AGBL1: variants seen among roughly 807,000 people sequenced by gnomAD.
AGBL1 encodes the protein cytosolic carboxypeptidase 4.
In AGBL1, 130 loss-of-function variants were observed where a neutral mutation model predicts 118.9. That is an observed-to-expected ratio of 1.09 (90% confidence interval 0.95 to 1.26). The LOEUF is 1.26. AGBL1 is among the 50% of genes most tolerant of loss of function. AGBL1 has a pLI of 0.00. For synonymous variants in AGBL1, 555 were observed against 478.9 expected (o/e 1.16, Z -2.08); for missense variants, 1,584 against 1,298.1 (o/e 1.22, Z -3.38).
At chr15:86,755,765 T>C (rs1192440222) in intron 22 of AGBL1, among the ~76,000 whole-genome samples, 2 of 152,106 alleles carry the variant, frequency 1.3e-5, no homozygotes, top group Admixed American at 1.3e-4. Flanking sequence ...AGCTATTCTT[T>C]CCTATTAGAC....
At chr15:86,860,722 G>A (rs1343747363) in intron 22 of AGBL1, among the ~76,000 whole-genome samples, 1 of 151,996 alleles carries the variant, frequency 6.6e-6, no homozygotes, top group African/African-American at 2.4e-5. Flanking sequence ...AAGTGTGTGT[G>A]TGTGTGTGTG....
intron 17 of AGBL1, among the ~76,000 whole-genome samples, chr15:86,311,765 G>C (rs561563852): frequency 1.3e-5 from 2 of 152,222 alleles, no homozygotes; most frequent in South Asian, 4.1e-4. Flanking sequence ...CAAGTTATTC[G>C]ATATACCACA....
At chr15:86,332,469 A>G (rs1219964382) in intron 17 of AGBL1, among the ~76,000 whole-genome samples, 1 of 151,986 alleles carries the variant, frequency 6.6e-6, no homozygotes, top group Non-Finnish European at 1.5e-5. Context: ...ACATGGTGAA[A>G]CCCTGTCTCT....
chr15:86,166,134 C>T (rs2077338312), intron 5 of AGBL1, among the ~76,000 whole-genome samples: 1 of 152,168 alleles, frequency 6.6e-6, no homozygotes, highest in East Asian at 1.9e-4. Context: ...AAGCCTTCTA[C>T]CCTAACTTCA....
chr15:86,303,412 G>C (rs1195628860), intron 17 of AGBL1, among the ~76,000 whole-genome samples: 2 of 152,120 alleles, frequency 1.3e-5, no homozygotes, highest in African/African-American at 4.8e-5. Context: ...GACTGGCTGA[G>C]AGTAGGTATG....
intron 21 of AGBL1, among the ~76,000 whole-genome samples, chr15:86,588,332 C>G (rs561196301): frequency 6.6e-6 from 1 of 152,144 alleles, no homozygotes; most frequent in South Asian, 2.1e-4. Flanking sequence ...AGTTGATCTC[C>G]TCCAGTTATC....
intron 1 of AGBL1, among the ~76,000 whole-genome samples, chr15:86,131,810 T>A (rs2076823144): frequency 6.6e-6 from 1 of 151,518 alleles, no homozygotes; most frequent in South Asian, 2.1e-4. Context: ...ATGAGCAAGG[T>A]GTGGTGGTGC....
At chr15:86,976,643 C>A (rs151213293) in intron 23 of AGBL1, among the ~76,000 whole-genome samples, 233 of 152,092 alleles carry the variant, frequency 1.5e-3, no homozygotes, top group Admixed American at 3.1e-3. Flanking sequence ...AGCTCTCTTA[C>A]ACTAGTGAGA....
intron 23 of AGBL1, among the ~76,000 whole-genome samples, chr15:86,959,371 C>G (rs900793338): frequency 1.3e-5 from 2 of 152,032 alleles, no homozygotes; most frequent in African/African-American, 4.8e-5. Flanking sequence ...AAATGCATGC[C>G]TTTCATTTCC....
rs756313941 is a variant in AGBL1 at position 86,196,879 on chromosome 15, G to GCGCGCACA, written c.489-28034_489-28033insGCGCACAC. 2.8e-3 allele frequency among the ~76,000 whole-genome samples: 330 copies of GCGCGCACA among 116,996 alleles called. 2 individuals are homozygous for GCGCGCACA. The highest frequency in any genetic ancestry group is 7.9e-3 in the South Asian group (25 of 3,178). 76.8% of individuals were successfully genotyped at this position (116,996 alleles called of 152,430 possible). A position where few individuals can be genotyped will look rare whatever the true frequency, so the allele number is the denominator to read the frequency against. ...CGAATGTGCACATGTGCGCGCGCGC[G>GCGCGCACA]CACACACACACACACACACACACAC... On this transcript the variant is annotated intron_variant, in intron 5 of 22. Transcript: ENST00000614907.
intron 17 of AGBL1, among the ~76,000 whole-genome samples, chr15:86,310,697 G>C (rs111584002): frequency 0.02 from 3,033 of 152,226 alleles, 97 homozygotes; most frequent in African/African-American, 0.067. Context: ...CTGAGGCATG[G>C]AGCCGTGGGG....
chr15:86,190,058 T>G (rs190555591), intron 5 of AGBL1, among the ~76,000 whole-genome samples: 19 of 152,308 alleles, frequency 1.2e-4, no homozygotes, highest in African/African-American at 4.3e-4. Flanking sequence ...AAGATTATAA[T>G]TTTCCTATGT....
intron 18 of AGBL1, among the ~76,000 whole-genome samples, chr15:86,496,856 A>T (rs1469377860): frequency 6.6e-6 from 1 of 152,056 alleles, no homozygotes; most frequent in Non-Finnish European, 1.5e-5. Context: ...TAGAGCATTA[A>T]TGCATTTTAA....
At chr15:86,586,051 C>T (rs964131991) in intron 21 of AGBL1, among the ~76,000 whole-genome samples, 6 of 152,172 alleles carry the variant, frequency 3.9e-5, no homozygotes, top group Non-Finnish European at 7.4e-5. Flanking sequence ...GCCTCTGCAC[C>T]GAATAGAACC....
At position 86,534,112 on chromosome 15, in the gene AGBL1, TAAAAAAA is replaced by T. The variant is rs61563504; in HGVS notation, c.2685+11189_2685+11195del. 1.1e-4 allele frequency among the ~76,000 whole-genome samples: 11 copies of T among 96,500 alleles called. No individual in the cohort carries two copies. In the South Asian group the frequency reaches 3.3e-3, roughly 29 times the overall value. 63.3% of individuals were successfully genotyped at this position (96,500 alleles called of 152,430 possible). A position where few individuals can be genotyped will look rare whatever the true frequency, so the allele number is the denominator to read the frequency against. Reference sequence around the variant, plus strand: ...ATGTACCCTAAAACTTAAAGTATAATAAAAAAAAAAAAAAAAAAAAAAGATTGTCCTT... The same window carrying T: ...ATGTACCCTAAAACTTAAAGTATAATAAAAAAAAAAAAAAAGATTGTCCTT... On this transcript the variant is annotated intron_variant, in intron 19 of 22. Coordinates refer to ENST00000614907, the MANE Select transcript of AGBL1 (RefSeq NM_001386094.1).
At chr15:86,937,615 A>C (rs1384683443) in intron 23 of AGBL1, among the ~76,000 whole-genome samples, 1 of 152,178 alleles carries the variant, frequency 6.6e-6, no homozygotes, top group Non-Finnish European at 1.5e-5. Flanking sequence ...TATGCACACA[A>C]AGAAGAAAAC....
At chr15:86,954,174 G>A (rs913331969) in intron 23 of AGBL1, among the ~76,000 whole-genome samples, 2 of 152,142 alleles carry the variant, frequency 1.3e-5, no homozygotes, top group Non-Finnish European at 2.9e-5. Context: ...CAGAGAAAAG[G>A]GAACACTTAT....
chr15:86,994,126 G>A (rs1034395132), intron 24 of AGBL1, among the ~76,000 whole-genome samples: 15 of 152,082 alleles, frequency 9.9e-5, no homozygotes, highest in African/African-American at 3.4e-4. Context: ...GAAGCTCCCC[G>A]CAGCAAAGAA....
In AGBL1 at chr15:86,197,903, A is replaced by G. The variant is rs140815872; in HGVS notation, c.489-27011A>G. The stretch of plus-strand genomic sequence containing the variant: ...AAAACATGAGCTATTCTTTAAAAAA[A>G]AAAAAGGAAAGACTCCAAAGATGAT... On this transcript the variant is annotated intron_variant, in intron 5 of 22. Transcript: ENST00000614907. 8.1e-3 allele frequency among the ~76,000 whole-genome samples: 1,227 copies of G among 152,222 alleles called. 17 individuals carry two copies. The highest frequency in any genetic ancestry group is 0.028 in the African/African-American group (1,171 of 41,512).
Sources: allele counts gnomAD v4.1 joint callset (sites outside exome capture counted in the v4.1 genomes callset), GRCh38; gene constraint gnomAD v4.1.1; transcripts MANE v1.5; gene names NCBI Gene and HGNC (gene_info 2026-07-23, HGNC 2026-07-21).